SATB2: variants seen among roughly 807,000 people sequenced by gnomAD.
The protein encoded by SATB2 is SATB homeobox 2, also known as DNA-binding protein SATB2.
A neutral mutation model predicts 73.4 loss-of-function variants in SATB2; 1 was observed. The observed-to-expected ratio is 0.01, with a 90% CI of 0.00 to 0.06. The LOEUF (loss-of-function observed/expected upper bound fraction) is 0.06. Among genes scored for constraint, SATB2 ranks in the 10% least tolerant of loss-of-function variants. The pLI is 1.00. For synonymous variants in SATB2, 397 were observed against 367.0 expected (o/e 1.08, Z -0.93); for missense variants, 459 against 945.8 (o/e 0.49, Z 6.75).
chr2:199,324,306 C>T (rs1014357367), intron 8 of SATB2, among the ~76,000 whole-genome samples: 1 of 152,004 alleles, frequency 6.6e-6, no homozygotes, highest in Non-Finnish European at 1.5e-5. Flanking sequence ...AAATGGCACA[C>T]CTTGGAATAA....
At chr2:199,275,105 G>A (rs1559137281) in intron 10 of SATB2, among the ~76,000 whole-genome samples, 1 of 152,152 alleles carries the variant, frequency 6.6e-6, no homozygotes, top group Non-Finnish European at 1.5e-5. Flanking sequence ...TCTAAATTAT[G>A]CTTGCCTTCT....
intron 10 of SATB2, among the ~76,000 whole-genome samples, chr2:199,281,806 T>C (rs962056782): frequency 2.0e-5 from 3 of 152,186 alleles, no homozygotes; most frequent in African/African-American, 4.8e-5. Context: ...GAGCTACATA[T>C]TGGCATACCA....
chr2:199,285,376 A>G (rs1454448410), intron 10 of SATB2, among the ~76,000 whole-genome samples: 2 of 152,148 alleles, frequency 1.3e-5, no homozygotes, highest in African/African-American at 4.8e-5. Flanking sequence ...ACTTTATCAC[A>G]CAAAGACATT....
intron 10 of SATB2, among the ~76,000 whole-genome samples, chr2:199,297,768 G>A (rs971733112): frequency 3.3e-5 from 5 of 150,104 alleles, no homozygotes; most frequent in Non-Finnish European, 5.9e-5. Context: ...ATGATACAGA[G>A]GCTGAAGTAG....
chr2:199,456,975 T>TGGGGGG (rs71397724), intron 1 of SATB2, among the ~76,000 whole-genome samples: 1 of 123,786 alleles, frequency 8.1e-6, no homozygotes, highest in African/African-American at 3.3e-5. Flanking sequence ...ATTGGGGGGG[T>TGGGGGG]GGGGGGGGGC....
chr2:199,399,751 A>G (rs1690415308), intron 3 of SATB2, among the ~76,000 whole-genome samples: 1 of 152,076 alleles, frequency 6.6e-6, no homozygotes, highest in South Asian at 2.1e-4. Flanking sequence ...CACACTTTCA[A>G]ACAACCAGAT....
In SATB2 at chr2:199,272,044, A is replaced by G. The variant is rs1356036761; in HGVS notation, c.*167T>C. On this transcript the variant is annotated 3_prime_UTR_variant, in exon 11 of 11. Coordinates refer to ENST00000417098, the MANE Select transcript of SATB2 (RefSeq NM_001172509.2). The surrounding 1 kb of genome is among the most constrained non-coding windows in gnomAD (Gnocchi z 6.7). ...TCTATAGGTGTATCCTGTGCAACAA[A>G]GAAATGTCCAAAAGGGTAAGAAAAA... The G allele has an allele frequency of 2.9e-6, 2 of 694,422 alleles. No individual in the cohort carries two copies. Among genetic ancestry groups the G allele is most frequent in the Admixed American group, 4.6e-5 (2 of 43,884 alleles). 43.0% of individuals were successfully genotyped at this position (694,422 alleles called of 1,614,324 possible). A position where few individuals can be genotyped will look rare whatever the true frequency, so the allele number is the denominator to read the frequency against.
At chr2:199,381,433 T>A (rs1283637087) in intron 4 of SATB2, among the ~76,000 whole-genome samples, 2 of 152,184 alleles carry the variant, frequency 1.3e-5, no homozygotes, top group Admixed American at 6.5e-5. Flanking sequence ...GCTATAGATT[T>A]TTAATGATTT....
intron 5 of SATB2, among the ~76,000 whole-genome samples, chr2:199,374,930 C>T (rs1358748365): frequency 1.3e-5 from 2 of 151,226 alleles, no homozygotes; most frequent in Non-Finnish European, 2.9e-5. Context: ...TGCCACTGTA[C>T]TCCAGCCTGG....
intron 7 of SATB2, among the ~76,000 whole-genome samples, chr2:199,332,064 G>A (rs1263160349): frequency 6.6e-6 from 1 of 151,986 alleles, no homozygotes; most frequent in East Asian, 1.9e-4. Context: ...TGAATAGAAA[G>A]GTCATGAATA....
upstream of SATB2, among the ~76,000 whole-genome samples, chr2:199,469,164 G>A (rs1692653398): frequency 1.3e-5 from 2 of 152,188 alleles, no homozygotes; most frequent in South Asian, 2.1e-4. Flanking sequence ...GAAGGAGGAG[G>A]GGAGAGCCCA....
In SATB2 at chr2:199,463,402, C is replaced by T. The variant is rs1453902053; in HGVS notation, c.-141+1434G>A. Among the ~76,000 whole-genome samples the T allele has an allele frequency of 6.6e-6, 1 of 152,206 alleles. No individual in the cohort carries two copies. The highest frequency in any genetic ancestry group is 1.9e-4 in the East Asian group (1 of 5,182). ...TGGGGCCCCGGGTGGCGCTCCCGAC[C>T]CGCCGCGTTTTCCTTAGGGAAACAC... On this transcript the variant is annotated intron_variant, in intron 1 of 11. Coordinates refer to the SATB2 transcript ENST00000260926. The surrounding 1 kb of genome is among the most constrained non-coding windows in gnomAD (Gnocchi z 6.4).
chr2:199,315,231 G>A (rs894756748), intron 9 of SATB2, among the ~76,000 whole-genome samples: 5 of 151,764 alleles, frequency 3.3e-5, no homozygotes, highest in African/African-American at 1.2e-4. Flanking sequence ...AGTTTTTAAA[G>A]CTCTCTTCAA....
chr2:199,305,825 T>G (rs1311040557), intron 10 of SATB2, among the ~76,000 whole-genome samples: 1 of 152,176 alleles, frequency 6.6e-6, no homozygotes, highest in African/African-American at 2.4e-5. Context: ...TTGGAAATAG[T>G]GTACCCTAAT....
chr2:199,425,230 G>C (rs767870262), intron 3 of SATB2, among the ~76,000 whole-genome samples: 3 of 152,132 alleles, frequency 2.0e-5, no homozygotes, highest in Non-Finnish European at 4.4e-5. Flanking sequence ...TATATCTGTA[G>C]GTCAGTCTGT....
At chr2:199,368,993 T>C (rs1171623416) in intron 5 of SATB2, 1 of 296,548 alleles carries the variant, frequency 3.4e-6, no homozygotes, top group East Asian at 8.0e-5. Context: ...AGTTGTGATT[T>C]AGGAACCAGA....
intron 7 of SATB2, among the ~76,000 whole-genome samples, chr2:199,339,781 G>A (rs185685466): frequency 1.3e-5 from 2 of 152,248 alleles, no homozygotes; most frequent in East Asian, 3.9e-4. Flanking sequence ...ATTAAATTGT[G>A]CCAACCTTTG....
intron 3 of SATB2, among the ~76,000 whole-genome samples, chr2:199,422,336 T>C (rs1559045211): frequency 6.6e-6 from 1 of 151,868 alleles, no homozygotes; most frequent in Admixed American, 6.6e-5. Context: ...TATTATACTT[T>C]ATAATTAGAA....
At chr2:199,310,237 T>C (rs1267105978) in intron 9 of SATB2, among the ~76,000 whole-genome samples, 2 of 152,206 alleles carry the variant, frequency 1.3e-5, no homozygotes, top group Non-Finnish European at 2.9e-5. Context: ...ATTTATAAAC[T>C]AATCTGTAAC....
Sources: allele counts gnomAD v4.1 joint callset (sites outside exome capture counted in the v4.1 genomes callset), GRCh38; gene constraint gnomAD v4.1.1; non-coding constraint Gnocchi (gnomAD v3.1); transcripts MANE v1.5; gene names NCBI Gene and HGNC (gene_info 2026-07-23, HGNC 2026-07-21).